Variants in MCMDC2 observed in about 807,000 individuals in gnomAD.
The protein encoded by MCMDC2 is minichromosome maintenance domain-containing protein 2.
MCMDC2 carries 54 observed loss-of-function variants against 75.8 expected under a neutral mutation model. The observed-to-expected ratio is 0.71, with a 90% CI of 0.57 to 0.89. The LOEUF is 0.89. Ranked by LOEUF, MCMDC2 falls within the 40% of genes least tolerant of loss-of-function variation. The pLI, the probability that MCMDC2 is intolerant of heterozygous loss-of-function variation, is 0.00. For missense variants in MCMDC2, 656 were observed against 780.4 expected (o/e 0.84, Z 1.90); for synonymous variants, 249 against 274.6 (o/e 0.91, Z 0.92).
chr8:66,890,153 G>A (rs964602368), intron 9 of MCMDC2, among the ~76,000 whole-genome samples: 5 of 152,044 alleles, frequency 3.3e-5, no homozygotes, highest in African/African-American at 4.8e-5. Context: ...TGGAATGTCC[G>A]CCTCCCGGGT....
At chr8:66,890,356 A>G (rs1812044228) in intron 9 of MCMDC2, among the ~76,000 whole-genome samples, 1 of 151,142 alleles carries the variant, frequency 6.6e-6, no homozygotes, top group Admixed American at 6.6e-5. Flanking sequence ...GTAAGCCATT[A>G]CGCCTGGCCA....
At chr8:66,916,756 GGAGGTA>G (rs1193963088) in intron 14 of MCMDC2, among the ~76,000 whole-genome samples, 1 of 152,184 alleles carries the variant, frequency 6.6e-6, no homozygotes, top group Non-Finnish European at 1.5e-5. Context: ...TGGAAGCATA[GGAGGTA>G]GAGTAGGGGA....
intron 10 of MCMDC2, among the ~76,000 whole-genome samples, chr8:66,895,641 C>G (rs1432316325): frequency 6.6e-6 from 1 of 152,030 alleles, no homozygotes; most frequent in African/African-American, 2.4e-5. Context: ...TCAAGCAATC[C>G]CCCCGTGTCA....
At chr8:66,900,994 G>A (rs1812631536) in intron 12 of MCMDC2, among the ~76,000 whole-genome samples, 1 of 152,148 alleles carries the variant, frequency 6.6e-6, no homozygotes, top group Non-Finnish European at 1.5e-5. Context: ...CTGAGAGGGA[G>A]GAGATTATTC....
chr8:66,902,711 A>AAATATAT (rs1467425752), intron 13 of MCMDC2, among the ~76,000 whole-genome samples: 4 of 67,930 alleles, frequency 5.9e-5, no homozygotes, highest in East Asian at 1.0e-3. Flanking sequence ...AAAAAAAAAA[A>AAATATAT]ATATATATAT....
rs1168778986 is a variant in MCMDC2, at chr8:66,908,226, C to T, written c.1879+2891C>T. ...AGGTTTTACATTTAAGCCTTTAATG[C>T]ATCTTGAGTTAATTTTTGTATAAGG... On this transcript the variant is annotated intron_variant, in intron 14 of 14. Coordinates refer to ENST00000422365, the MANE Select transcript of MCMDC2 (RefSeq NM_173518.5). 3.2e-4 allele frequency among the ~76,000 whole-genome samples: 48 copies of T among 152,166 alleles called. 1 individual carries two copies. Among genetic ancestry groups the T allele is most frequent in the Admixed American group, 3.1e-3 (48 of 15,274 alleles).
At position 66,870,845 on chromosome 8, in the gene MCMDC2, A is replaced by G. The variant is rs1013088010; in HGVS notation, c.-89+14A>G. On this transcript the variant is annotated intron_variant, in intron 1 of 14. Coordinates refer to ENST00000422365, the MANE Select transcript of MCMDC2 (RefSeq NM_173518.5). Reference sequence around the variant, plus strand: ...GTGGGAGTCAAGGTGAGTGCAAAGCACTACAGCGCTGGGGTCCCACTAACT... The same window carrying G: ...GTGGGAGTCAAGGTGAGTGCAAAGCGCTACAGCGCTGGGGTCCCACTAACT... 6 of 152,266 alleles carry G rather than the reference A, an allele frequency of 3.9e-5. No individual in the cohort carries two copies. The highest frequency in any genetic ancestry group is 1.4e-4 in the African/African-American group (6 of 41,466). 9.4% of individuals were successfully genotyped at this position (152,266 alleles called of 1,614,324 possible). A position where few individuals can be genotyped will look rare whatever the true frequency, so the allele number is the denominator to read the frequency against.
intron 7 of MCMDC2, among the ~76,000 whole-genome samples, chr8:66,879,565 C>T (rs1355717668): frequency 6.6e-6 from 1 of 152,104 alleles, no homozygotes; most frequent in Non-Finnish European, 1.5e-5. Flanking sequence ...TGCACACAAG[C>T]CTGGGTGACA....
In MCMDC2 at chr8:66,919,115, A is replaced by G. The variant is rs1208863915; in HGVS notation, c.1992A>G (p.Glu664=). 4.5e-6 allele frequency: 7 copies of G among 1,550,698 alleles called. No homozygotes were observed. The highest frequency in any genetic ancestry group is 2.0e-5 in the Admixed American group (1 of 50,848). The change falls in exon 15 of 15, where the codon GAA becomes GAG. Residue 664 remains glutamate, a synonymous_variant. Transcript: ENST00000422365. Reference sequence around the variant, plus strand: ...TGACTCAGTGCCAACAACAGCTGGAACAATTTATTGCCACATATGGACCTG... The same window carrying G: ...TGACTCAGTGCCAACAACAGCTGGAGCAATTTATTGCCACATATGGACCTG... ...LYLTQCQQQL[E]QFIATYGPGT... is the part of the protein sequence containing the mutation.
At chr8:66,871,127 T>C (rs1251803853) in intron 1 of MCMDC2, among the ~76,000 whole-genome samples, 3 of 152,170 alleles carry the variant, frequency 2.0e-5, no homozygotes, top group Admixed American at 6.5e-5. Context: ...TCTATGTCTT[T>C]TCCCGACTTA....
At chr8:66,915,838 A>C (rs1162165337) in intron 14 of MCMDC2, among the ~76,000 whole-genome samples, 1 of 152,156 alleles carries the variant, frequency 6.6e-6, no homozygotes, top group Non-Finnish European at 1.5e-5. Context: ...TGGAGGAGGA[A>C]CTAACAAAGG....
intron 14 of MCMDC2, among the ~76,000 whole-genome samples, chr8:66,909,792 T>C (rs1813034301): frequency 6.6e-6 from 1 of 152,170 alleles, no homozygotes; most frequent in Admixed American, 6.5e-5. Context: ...GGGCAGAAAT[T>C]TGCATAAGTA....
At chr8:66,898,070 A>G (rs979455338) in intron 12 of MCMDC2, among the ~76,000 whole-genome samples, 3 of 152,108 alleles carry the variant, frequency 2.0e-5, no homozygotes, top group African/African-American at 4.8e-5. Flanking sequence ...AAAGAATAAT[A>G]TTTATAATAT....
intron 14 of MCMDC2, among the ~76,000 whole-genome samples, chr8:66,918,408 G>A (rs1428684804): frequency 6.6e-6 from 1 of 151,994 alleles, no homozygotes; most frequent in Non-Finnish European, 1.5e-5. Flanking sequence ...CTGTACTTTT[G>A]ATGTCACATT....
At chr8:66,876,824 G>A (rs1342682107) in intron 4 of MCMDC2, among the ~76,000 whole-genome samples, 1 of 151,970 alleles carries the variant, frequency 6.6e-6, no homozygotes, top group Non-Finnish European at 1.5e-5. Flanking sequence ...GCAGTGGCGC[G>A]ACCTCGGCTC....
rs1278110303 is a variant in MCMDC2, at chr8:66,919,028, G to A, written c.1905G>A (p.Pro635=). ...KYGATVFCVA[P]NAVFPFELYN... ...GGGCCACTGTATTTTGTGTTGCTCCGAATGCAGTATTTCCATTTGAACTGT... is the reference window on the plus strand; with the variant it reads ...GGGCCACTGTATTTTGTGTTGCTCCAAATGCAGTATTTCCATTTGAACTGT... The change falls in exon 15 of 15, where the codon CCG becomes CCA. Residue 635 remains proline (P), a synonymous_variant. Transcript: ENST00000422365. The A allele has an allele frequency of 1.2e-5, 19 of 1,533,244 alleles. No individual in the cohort carries two copies. Among genetic ancestry groups the A allele is most frequent in the Non-Finnish European group, 1.7e-5 (19 of 1,138,410 alleles). The allele number at this position is 1,533,244 out of a possible 1,614,324, so 95.0% of individuals were successfully genotyped here.
chr8:66,916,089 T>A (rs1385147377), intron 14 of MCMDC2, among the ~76,000 whole-genome samples: 1 of 151,728 alleles, frequency 6.6e-6, no homozygotes, highest in East Asian at 1.9e-4. Context: ...ACTATGAAGA[T>A]GAGGAAAGAA....
intron 14 of MCMDC2, among the ~76,000 whole-genome samples, chr8:66,917,659 A>C (rs1813374885): frequency 6.6e-6 from 1 of 152,160 alleles, no homozygotes; most frequent in South Asian, 2.1e-4. Context: ...GGAATCATAC[A>C]TTTGTCCTTT....
At chr8:66,881,721 A>G (rs1007316635) in intron 8 of MCMDC2, among the ~76,000 whole-genome samples, 3 of 152,162 alleles carry the variant, frequency 2.0e-5, no homozygotes, top group African/African-American at 7.2e-5. Flanking sequence ...CTTTTCCTCA[A>G]CTGAATTCTG....
Sources: allele counts gnomAD v4.1 joint callset (sites outside exome capture counted in the v4.1 genomes callset), GRCh38; gene constraint gnomAD v4.1.1; transcripts MANE v1.5; gene names NCBI Gene and HGNC (gene_info 2026-07-23, HGNC 2026-07-21).